CCDC181: variants seen among roughly 807,000 people sequenced by gnomAD.
CCDC181 encodes coiled-coil domain containing 181.
A neutral mutation model predicts 58.7 loss-of-function variants in CCDC181; 35 were observed. The observed-to-expected ratio is 0.60, with a 90% CI of 0.46 to 0.79. The LOEUF (loss-of-function observed/expected upper bound fraction) is 0.79, where lower values mean the gene tolerates loss of function less well. CCDC181 is among the 30% of genes least tolerant of loss of function. The pLI is 0.00. For missense variants in CCDC181, 517 were observed against 583.9 expected (o/e 0.89, Z 1.18); for synonymous variants, 183 against 197.5 (o/e 0.93, Z 0.62).
chr1:169,427,914 C>A (rs1407890070), upstream of CCDC181, among the ~76,000 whole-genome samples: 1 of 152,128 alleles, frequency 6.6e-6, no homozygotes, highest in Non-Finnish European at 1.5e-5. Context: ...AAATGGTCAA[C>A]TAGAATTTTC....
chr1:169,406,223 G>A (rs371685946), intron 4 of CCDC181, among the ~76,000 whole-genome samples: 2 of 152,338 alleles, frequency 1.3e-5, no homozygotes, highest in East Asian at 3.9e-4. Context: ...TTCAACCACT[G>A]TGGAAGACAG....
upstream of CCDC181, among the ~76,000 whole-genome samples, chr1:169,430,684 C>G (rs79050954): frequency 0.022 from 3,257 of 150,898 alleles, 124 homozygotes; most frequent in African/African-American, 0.075. Context: ...AAAAAACACA[C>G]AAATAAAGCA....
chr1:169,403,338 C>A (rs983112517), intron 4 of CCDC181, among the ~76,000 whole-genome samples: 1 of 152,168 alleles, frequency 6.6e-6, no homozygotes, highest in Non-Finnish European at 1.5e-5. Flanking sequence ...GAACTCCACC[C>A]CAAATCAACA....
intron 3 of CCDC181, among the ~76,000 whole-genome samples, chr1:169,420,375 G>A (rs1440415741): frequency 2.7e-5 from 4 of 148,378 alleles, no homozygotes; most frequent in South Asian, 2.1e-4. Context: ...GAGGTTACAC[G>A]TTCTTACGAA....
Position 169,439,162 on chromosome 1 carries a change from C to A in CCDC181, c.-23-14212G>T, listed in dbSNP as rs186049863. On this transcript the variant is annotated intron_variant, in intron 2 of 6. Transcript: ENST00000545005. The stretch of plus-strand genomic sequence containing the variant: ...CACCCCATGGTAGAGCTACAGACAC[C>A]CTGCATTGGGGCTATGGACAGACAC... 1.6e-3 allele frequency among the ~76,000 whole-genome samples: 247 copies of A among 152,122 alleles called. 2 individuals carry two copies. The highest frequency in any genetic ancestry group is 5.6e-3 in the African/African-American group (232 of 41,478).
chr1:169,443,636 A>C (rs1455280426), intron 2 of CCDC181, among the ~76,000 whole-genome samples: 1 of 152,148 alleles, frequency 6.6e-6, no homozygotes, highest in Non-Finnish European at 1.5e-5. Context: ...AGCTTTTCTC[A>C]GTGCAGATTA....
intron 2 of CCDC181, among the ~76,000 whole-genome samples, chr1:169,450,593 T>C (rs1210102758): frequency 1.3e-5 from 2 of 152,238 alleles, no homozygotes; most frequent in Non-Finnish European, 2.9e-5. Flanking sequence ...CTTTGACTAT[T>C]ATAAATATTA....
intron 2 of CCDC181, among the ~76,000 whole-genome samples, chr1:169,447,797 C>G (rs1476119784): frequency 1.3e-5 from 2 of 152,122 alleles, no homozygotes; most frequent in Non-Finnish European, 2.9e-5. Flanking sequence ...TTTGTATTGT[C>G]TGAAATCAAT....
At position 169,395,136 on chromosome 1, in the gene CCDC181, G is replaced by A. The variant is rs1361435177; in HGVS notation, c.1441C>T (p.Arg481Ter). The change falls in exon 6 of 6, where the codon CGA (arginine) becomes TGA (stop). Residue 481 changes from arginine to a stop codon, truncating the protein, a stop_gained. Coordinates refer to ENST00000367806, the MANE Select transcript of CCDC181 (RefSeq NM_001300969.2). LOFTEE classifies it high-confidence loss of function. ...QAVRERTRQL[R>*]LEAKRSKQLQ... The stretch of plus-strand genomic sequence containing the variant: ...TGTTTAGAACGCTTAGCTTCTAGTC[G>A]GAGCTGTCTAGTTCTCTCTCTGACA... 7 of 1,613,374 alleles carry A rather than the reference G, an allele frequency of 4.3e-6. No individual in the cohort carries two copies. The Admixed American group carries it at 6.7e-5, about 15-fold the overall frequency.
At chr1:169,414,286 A>T (rs1656118488) in intron 4 of CCDC181, among the ~76,000 whole-genome samples, 3 of 152,256 alleles carry the variant, frequency 2.0e-5, no homozygotes, top group Admixed American at 6.5e-5. Flanking sequence ...ATAAAGTCCT[A>T]AATGTATACC....
intron 2 of CCDC181, among the ~76,000 whole-genome samples, chr1:169,445,517 T>C (rs942469445): frequency 3.3e-5 from 5 of 152,222 alleles, no homozygotes; most frequent in African/African-American, 1.2e-4. Flanking sequence ...TCATCCTTTT[T>C]GTACATTGGT....
upstream of CCDC181, among the ~76,000 whole-genome samples, chr1:169,430,738 G>GA (rs1444030633): frequency 2.0e-5 from 3 of 152,084 alleles, no homozygotes; most frequent in African/African-American, 7.2e-5. Context: ...TATTGAAAAT[G>GA]AAAGTACACT....
At chr1:169,414,894 G>T in intron 4 of CCDC181, among the ~76,000 whole-genome samples, 1 of 152,052 alleles carries the variant, frequency 6.6e-6, no homozygotes, top group East Asian at 1.9e-4. Flanking sequence ...GCTCATAAAA[G>T]TACTTCAGAA....
At chr1:169,448,365 G>C (rs1253243601) in intron 2 of CCDC181, among the ~76,000 whole-genome samples, 2 of 152,068 alleles carry the variant, frequency 1.3e-5, no homozygotes, top group Admixed American at 6.6e-5. Flanking sequence ...TTACAGGGTA[G>C]ATCTGCTTGC....
At chr1:169,452,556 A>G (rs939591306) in intron 2 of CCDC181, 2 of 152,122 alleles carry the variant, frequency 1.3e-5, no homozygotes, top group Non-Finnish European at 2.9e-5. Context: ...AGGGCTTCTC[A>G]CCTGTGCAGG....
chr1:169,424,974 T>A (rs1454050403), intron 1 of CCDC181, 24 bp from the exon 2 acceptor site: 1 of 1,164,894 alleles, frequency 8.6e-7, no homozygotes, highest in African/African-American at 1.5e-5. Flanking sequence ...AAAGATAAGG[T>A]ATATGTTATG....
chr1:169,396,065 G>GA (rs1372493908), intron 5 of CCDC181: 1 of 152,148 alleles, frequency 6.6e-6, no homozygotes, highest in Non-Finnish European at 1.5e-5. Context: ...TATCATTAAT[G>GA]AAAAGCAGAT....
intron 2 of CCDC181, among the ~76,000 whole-genome samples, chr1:169,439,571 A>G (rs35579018): frequency 0.27 from 40,607 of 151,738 alleles, 6,746 homozygotes; most frequent in Non-Finnish European, 0.38. Context: ...TGGTCTCAGG[A>G]CTCACAGTAG....
chr1:169,442,791 A>G (rs1403941658), intron 2 of CCDC181: 3 of 152,072 alleles, frequency 2.0e-5, no homozygotes, highest in Non-Finnish European at 4.4e-5. Flanking sequence ...ATACTAAGTC[A>G]TATGATAGAA....
Sources: allele counts gnomAD v4.1 joint callset (sites outside exome capture counted in the v4.1 genomes callset), GRCh38; gene constraint gnomAD v4.1.1; transcripts MANE v1.5; gene names NCBI Gene and HGNC (gene_info 2026-07-23, HGNC 2026-07-21).